SPICE1: variants seen among roughly 807,000 people sequenced by gnomAD.
SPICE1 encodes the protein spindle and centriole associated protein 1.
Under a neutral mutation model 102.7 loss-of-function variants are expected in SPICE1, and 75 were observed. The observed-to-expected ratio is 0.73, with a 90% confidence interval of 0.61 to 0.88. The LOEUF (loss-of-function observed/expected upper bound fraction) is 0.88. SPICE1 is among the 40% of genes least tolerant of loss of function. The pLI is 0.00. For missense variants in SPICE1, 979 were observed against 1,020.1 expected (o/e 0.96, Z 0.55); for synonymous variants, 308 against 350.3 (o/e 0.88, Z 1.35).
chr3:113,476,847 G>C (rs1333084339), intron 7 of SPICE1, among the ~76,000 whole-genome samples: 1 of 150,730 alleles, frequency 6.6e-6, no homozygotes, highest in Non-Finnish European at 1.5e-5. Context: ...AGAAAACCTA[G>C]GCATTACCAT....
At chr3:113,514,498 G>A in intron 1 of SPICE1, 1 of 380,204 alleles carries the variant, frequency 2.6e-6, no homozygotes, top group Admixed American at 3.2e-5. Context: ...TGGCCCGGCT[G>A]ACTTTTCTTT....
At chr3:113,448,898 T>C (rs1486339461) in intron 15 of SPICE1, 1 of 152,172 alleles carries the variant, frequency 6.6e-6, no homozygotes, top group Non-Finnish European at 1.5e-5. Flanking sequence ...TTTAAACAAA[T>C]ATAAGAATTT....
At chr3:113,506,662 C>A (rs541852907) in intron 1 of SPICE1, 57 bp from the exon 2 acceptor site, 1 of 1,387,542 alleles carries the variant, frequency 7.2e-7, no homozygotes, top group Non-Finnish European at 1.0e-6. Flanking sequence ...ATAAGCATCA[C>A]CAGAGTGGGG....
chr3:113,486,621 T>C (rs912901234), intron 7 of SPICE1, among the ~76,000 whole-genome samples: 4 of 151,770 alleles, frequency 2.6e-5, no homozygotes, highest in South Asian at 2.1e-4. Context: ...TGTAAACTTA[T>C]GAACAGCTAT....
chr3:113,477,321 C>T (rs1428394129), intron 7 of SPICE1, among the ~76,000 whole-genome samples: 2 of 151,982 alleles, frequency 1.3e-5, no homozygotes, highest in Non-Finnish European at 2.9e-5. Context: ...AGTAGGAACA[C>T]TTTTACACTG....
At chr3:113,506,280 T>C (rs1559977924) in intron 2 of SPICE1, among the ~76,000 whole-genome samples, 1 of 152,170 alleles carries the variant, frequency 6.6e-6, no homozygotes, top group Non-Finnish European at 1.5e-5. Flanking sequence ...ATTCCAATTC[T>C]TCAGAGGATA....
In SPICE1 at chr3:113,453,258, T is replaced by C. The variant is rs375412341; in HGVS notation, c.2142+208A>G. Among the ~76,000 whole-genome samples, 8 of 152,340 alleles carry C rather than the reference T, an allele frequency of 5.3e-5. No homozygotes were observed. The South Asian group carries it at 1.5e-3, about 28-fold the overall frequency. On this transcript the variant is annotated intron_variant, in intron 14 of 17. Transcript: ENST00000295872. ...TATCTTTGTCCTATTTTCATTTATA[T>C]AATTTCCCTTTTATGCTGTCTTGTA... is the stretch of plus-strand genomic sequence containing the variant.
chr3:113,502,647 T>C (rs1240701928), intron 3 of SPICE1, among the ~76,000 whole-genome samples: 1 of 122,108 alleles, frequency 8.2e-6, no homozygotes, highest in African/African-American at 3.3e-5. Context: ...ATGTGAACTA[T>C]ATCTCAATAA....
At position 113,493,870 on chromosome 3, in the gene SPICE1, T is replaced by C. The variant is rs547832043; in HGVS notation, c.385+179A>G. Among the ~76,000 whole-genome samples, 14 of 152,348 alleles carry C rather than the reference T, an allele frequency of 9.2e-5. No homozygotes were observed. The East Asian group carries it at 1.9e-3, about 21-fold the overall frequency. On this transcript the variant is annotated intron_variant, in intron 5 of 17. Coordinates refer to ENST00000295872, the MANE Select transcript of SPICE1 (RefSeq NM_144718.4). The stretch of plus-strand genomic sequence containing the variant: ...TTATTTGTAATACAAGTAGTTAATA[T>C]TCTTAGTGGAAAGGAAACAGATTAT...
At chr3:113,456,817 C>T (rs1410427262) in intron 13 of SPICE1, among the ~76,000 whole-genome samples, 1 of 152,184 alleles carries the variant, frequency 6.6e-6, no homozygotes, top group Non-Finnish European at 1.5e-5. Context: ...CTGCTTCTAA[C>T]TCTTTGAAAT....
intron 11 of SPICE1, among the ~76,000 whole-genome samples, chr3:113,463,391 G>A (rs943535555): frequency 6.6e-6 from 1 of 152,190 alleles, no homozygotes; most frequent in Non-Finnish European, 1.5e-5. Context: ...GATTTGTTAA[G>A]TAAATTAGTA....
Position 113,469,255 on chromosome 3 carries a change from A to T in SPICE1, c.612-17T>A. 1 of 1,387,572 alleles carries T rather than the reference A, an allele frequency of 7.2e-7. No homozygotes were observed. The highest frequency in any genetic ancestry group is 9.6e-7 in the Non-Finnish European group (1 of 1,043,604). 86.0% of individuals were successfully genotyped at this position (1,387,572 alleles called of 1,614,324 possible). ...TGGAGAAACCTATAAATTACAGGACAATAAGCTACATGAGAATTATAATAT... is the reference window on the plus strand; with the variant it reads ...TGGAGAAACCTATAAATTACAGGACTATAAGCTACATGAGAATTATAATAT... On this transcript the variant is annotated splice_polypyrimidine_tract_variant and intron_variant, in intron 7 of 17. Transcript: ENST00000295872.
chr3:113,453,900 C>A lies in SPICE1; in HGVS notation c.1708G>T (p.Val570Leu). 6.2e-7 allele frequency: 1 copy of A among 1,614,122 alleles called. No individual in the cohort carries two copies. The change falls in exon 14 of 18, where the codon GTG becomes TTG. Residue 570 changes from valine (V) to leucine (L), a missense_variant. Coordinates refer to ENST00000295872, the MANE Select transcript of SPICE1 (RefSeq NM_144718.4). ...TRPAPRLPPT[V>L]EIIEKEQNWE... ...TTTTGTTCCTTCTCAATTATTTCCA[C>A]AGTTGGAGGAAGTCGTGGAGCAGGA...
At chr3:113,503,409 T>C (rs1937047058) in intron 2 of SPICE1, among the ~76,000 whole-genome samples, 182 bp from the exon 3 acceptor site, 1 of 152,194 alleles carries the variant, frequency 6.6e-6, no homozygotes, top group Admixed American at 6.5e-5. Flanking sequence ...GTCCTATTTA[T>C]AGAAAATAAC....
chr3:113,491,541 C>T (rs1051001951), intron 6 of SPICE1, among the ~76,000 whole-genome samples: 3 of 143,750 alleles, frequency 2.1e-5, no homozygotes, highest in Admixed American at 1.5e-4. Flanking sequence ...AGCAGAATGG[C>T]GTGAATCCGG....
chr3:113,471,666 G>A (rs1322321867), intron 7 of SPICE1, among the ~76,000 whole-genome samples: 1 of 152,138 alleles, frequency 6.6e-6, no homozygotes, highest in African/African-American at 2.4e-5. Context: ...TGGAAGCATA[G>A]TATGTAAATA....
chr3:113,466,513 G>A (rs1457841252), intron 10 of SPICE1, among the ~76,000 whole-genome samples: 2 of 151,986 alleles, frequency 1.3e-5, no homozygotes, highest in African/African-American at 4.8e-5. Context: ...AAGAGGCTGA[G>A]GCAGAAGAAT....
chr3:113,479,320 G>T (rs1936438021), intron 7 of SPICE1, among the ~76,000 whole-genome samples: 1 of 150,966 alleles, frequency 6.6e-6, no homozygotes, highest in Admixed American at 6.6e-5. Context: ...ATTTTTTATG[G>T]CTGCATAGTA....
chr3:113,502,158 T>C (rs771096466), intron 3 of SPICE1, among the ~76,000 whole-genome samples: 43 of 152,114 alleles, frequency 2.8e-4, no homozygotes, highest in Non-Finnish European at 4.3e-4. Flanking sequence ...GGCAGATTCC[T>C]TGAGCCCAGG....
Sources: allele counts gnomAD v4.1 joint callset (sites outside exome capture counted in the v4.1 genomes callset), GRCh38; gene constraint gnomAD v4.1.1; transcripts MANE v1.5; gene names NCBI Gene and HGNC (gene_info 2026-07-23, HGNC 2026-07-21).